CCDC171: variants seen among roughly 807,000 people sequenced by gnomAD.
CCDC171 encodes the protein coiled-coil domain-containing protein 171.
A neutral mutation model predicts 168.2 loss-of-function variants in CCDC171; 177 were observed. The ratio of observed to expected loss-of-function variants is 1.05; its 90% CI spans 0.93 to 1.19. The LOEUF is 1.19. Among genes scored for constraint, CCDC171 ranks in the 50% most tolerant of loss-of-function variants. The probability of loss-of-function intolerance (pLI) is 0.00; values close to 1 mark genes in which losing one functional copy is unlikely to be tolerated. For synonymous variants in CCDC171, 687 were observed against 540.8 expected, an observed-to-expected ratio of 1.27 and a Z score of -3.75; for missense variants, 1,991 against 1,539.0, an observed-to-expected ratio of 1.29 and a Z score of -4.91.
chr9:15,861,686 G>A (rs1005115379), intron 23 of CCDC171, among the ~76,000 whole-genome samples: 1 of 40,108 alleles, frequency 2.5e-5, no homozygotes, highest in South Asian at 1.4e-3. Context: ...TTACTATATG[G>A]TGTATTCATT....
chr9:15,879,943 C>T (rs533703797), intron 24 of CCDC171, among the ~76,000 whole-genome samples: 1 of 152,274 alleles, frequency 6.6e-6, no homozygotes, highest in Admixed American at 6.5e-5. Context: ...TGCAAGACTT[C>T]TATTAGCCCT....
At chr9:15,653,535 A>G (rs952823291) in intron 7 of CCDC171, among the ~76,000 whole-genome samples, 4 of 152,150 alleles carry the variant, frequency 2.6e-5, no homozygotes, top group Non-Finnish European at 4.4e-5. Flanking sequence ...ATGTTTCTCA[A>G]TATGGAAAAT....
chr9:15,645,157 T>TC (rs1316502069), intron 7 of CCDC171, among the ~76,000 whole-genome samples: 2 of 152,060 alleles, frequency 1.3e-5, no homozygotes, highest in Non-Finnish European at 2.9e-5. Context: ...TCCAGCAAAC[T>TC]CCAACAGACC....
At chr9:15,591,280 T>C in intron 4 of CCDC171, 86 bp from the exon 5 acceptor site, 1 of 748,154 alleles carries the variant, frequency 1.3e-6, no homozygotes, top group Non-Finnish European at 2.2e-6. Context: ...ATGCTGTAAA[T>C]GATGTCAACT....
the CCDC171 span, among the ~76,000 whole-genome samples, chr9:16,101,432 GGTA>G: frequency 6.6e-6 from 1 of 152,256 alleles, no homozygotes; most frequent in Admixed American, 6.5e-5. Context: ...CCCTCCCTCT[GGTA>G]TAATGTCTTA....
At chr9:15,729,476 A>G in intron 15 of CCDC171, 134 bp from the exon 16 acceptor site, 1 of 507,574 alleles carries the variant, frequency 2.0e-6, no homozygotes, top group Non-Finnish European at 3.3e-6. Flanking sequence ...CTTTATTTAC[A>G]TTTTATGTTA....
chr9:15,776,400 A>G (rs949917013), intron 18 of CCDC171: 2 of 152,208 alleles, frequency 1.3e-5, no homozygotes, highest in Admixed American at 6.5e-5. Flanking sequence ...AATGAGTGGC[A>G]TATAGAATTA....
At chr9:15,582,279 CAG>C (rs1246405914) in intron 4 of CCDC171, among the ~76,000 whole-genome samples, 2 of 152,180 alleles carry the variant, frequency 1.3e-5, no homozygotes, top group Non-Finnish European at 2.9e-5. Context: ...CAGGAAACAA[CAG>C]ATGCTGGAGA....
intron 24 of CCDC171, among the ~76,000 whole-genome samples, chr9:15,890,095 A>G (rs1004922876): frequency 1.3e-5 from 2 of 152,200 alleles, no homozygotes; most frequent in Non-Finnish European, 2.9e-5. Flanking sequence ...AACATCATTC[A>G]GTGACGTACT....
upstream of CCDC171, among the ~76,000 whole-genome samples, chr9:16,038,034 A>G (rs1833505026): frequency 6.6e-6 from 1 of 152,186 alleles, no homozygotes; most frequent in Admixed American, 6.5e-5. Context: ...CTGATGCCAA[A>G]AAGTTCTTAA....
At chr9:15,578,789 G>T in intron 3 of CCDC171, 60 bp from the exon 4 acceptor site, 1 of 1,356,868 alleles carries the variant, frequency 7.4e-7, no homozygotes, top group Non-Finnish European at 1.0e-6. Flanking sequence ...AAACTTAAAT[G>T]TTTGAGTGTA....
At chr9:15,957,812 A>G (rs1018210458) in intron 25 of CCDC171, among the ~76,000 whole-genome samples, 1 of 152,174 alleles carries the variant, frequency 6.6e-6, no homozygotes, top group Non-Finnish European at 1.5e-5. Context: ...GACACTGGCC[A>G]AGATAACTTT....
chr9:16,056,900 A>C (rs973617647), intron 1 of CCDC171, among the ~76,000 whole-genome samples: 8 of 152,272 alleles, frequency 5.3e-5, no homozygotes, highest in Non-Finnish European at 5.9e-5. Context: ...TATTATGTTT[A>C]AAATTTAATT....
At chr9:15,776,275 C>G (rs1046383393) in intron 18 of CCDC171, 1 of 152,050 alleles carries the variant, frequency 6.6e-6, no homozygotes, top group Non-Finnish European at 1.5e-5. Flanking sequence ...TATGTGCTGC[C>G]GAAGCGAGCA....
At chr9:15,657,386 A>C (rs1025842413) in intron 8 of CCDC171, 167 bp downstream of exon 8, 2 of 455,690 alleles carry the variant, frequency 4.4e-6, no homozygotes, top group African/African-American at 2.0e-5. Flanking sequence ...GAGATATGCT[A>C]CCTTAGTGGA....
chr9:15,598,083 T>C (rs886113674), intron 6 of CCDC171, among the ~76,000 whole-genome samples: 2 of 152,150 alleles, frequency 1.3e-5, no homozygotes, highest in African/African-American at 4.8e-5. Context: ...ATTTTGTTGA[T>C]CTTTTCAAAA....
intron 7 of CCDC171, among the ~76,000 whole-genome samples, chr9:15,632,912 G>A (rs1008166076): frequency 6.6e-6 from 1 of 152,154 alleles, no homozygotes; most frequent in African/African-American, 2.4e-5. Context: ...AGAAAAACAA[G>A]CAACGCGGAA....
At chr9:15,844,103 T>C (rs904514675) in intron 21 of CCDC171, among the ~76,000 whole-genome samples, 4 of 152,102 alleles carry the variant, frequency 2.6e-5, no homozygotes, top group Non-Finnish European at 5.9e-5. Context: ...CAATCTACCC[T>C]GGTTGAGAAA....
rs895376446 is a variant in CCDC171 at position 15,973,458 on chromosome 9, C to G, written c.*1622C>G. On this transcript the variant is annotated 3_prime_UTR_variant, in exon 26 of 26. Coordinates refer to ENST00000380701, the MANE Select transcript of CCDC171 (RefSeq NM_173550.4). Reference sequence around the variant, plus strand: ...AAGTGATTTATGCCATCTGAGGGAACACAGCAGTATTACTGTCGTACTGTG... The same window carrying G: ...AAGTGATTTATGCCATCTGAGGGAAGACAGCAGTATTACTGTCGTACTGTG... 2 of 152,236 alleles carry G rather than the reference C, an allele frequency of 1.3e-5. No individual in the cohort carries two copies. Among genetic ancestry groups the G allele is most frequent in the Admixed American group, 1.3e-4 (2 of 15,280 alleles). 9.4% of individuals were successfully genotyped at this position (152,236 alleles called of 1,614,324 possible). A position where few individuals can be genotyped will look rare whatever the true frequency, so the allele number is the denominator to read the frequency against.
Sources: gnomAD v4.1 joint callset for allele counts (sites outside exome capture counted in the v4.1 genomes callset) on GRCh38, gnomAD v4.1.1 for gene constraint, MANE v1.5 for transcripts, NCBI Gene and HGNC (gene_info 2026-07-23, HGNC 2026-07-21) for gene names.